TAOK3: variants seen among roughly 807,000 people sequenced by gnomAD.
TAOK3 encodes serine/threonine-protein kinase TAO3.
TAOK3 carries 40 observed loss-of-function variants against 120.4 expected under a neutral mutation model. The observed-to-expected ratio is 0.33, with a 90% confidence interval of 0.26 to 0.43. The LOEUF (loss-of-function observed/expected upper bound fraction) is 0.43, where lower values mean the gene tolerates loss of function less well. Ranked by LOEUF, TAOK3 falls within the 20% of genes least tolerant of loss-of-function variation. The pLI is 1.00. For synonymous variants in TAOK3, 355 were observed against 387.5 expected (o/e 0.92, Z 0.99); for missense variants, 821 against 1,112.1 (o/e 0.74, Z 3.72).
chr12:118,356,275 C>A (rs534703494), intron 1 of TAOK3, among the ~76,000 whole-genome samples: 2 of 146,880 alleles, frequency 1.4e-5, no homozygotes, highest in Admixed American at 1.4e-4. Flanking sequence ...ATCTCAATAT[C>A]TTCTCAATTT....
intron 9 of TAOK3, among the ~76,000 whole-genome samples, chr12:118,230,270 A>G (rs965274789): frequency 1.3e-5 from 2 of 152,058 alleles, no homozygotes; most frequent in Non-Finnish European, 1.5e-5. Context: ...GTCTTATACC[A>G]AAATCTGACT....
chr12:118,212,206 C>T (rs181449324), intron 11 of TAOK3, among the ~76,000 whole-genome samples: 9 of 152,124 alleles, frequency 5.9e-5, no homozygotes, highest in African/African-American at 1.4e-4. Flanking sequence ...ATTCTAGAGA[C>T]GGAAGAAACA....
chr12:118,288,063 C>T lies in TAOK3; in HGVS notation c.-193-21304G>A, dbSNP rs1038731734. On this transcript the variant is annotated intron_variant, in intron 1 of 20. Transcript: ENST00000392533. ...GTGCAATTTTTCTAAAATGTCACAG[C>T]TATTAGCAAGTTATTTTTTTGTTTG... is the stretch of plus-strand genomic sequence containing the variant. Among the ~76,000 whole-genome samples, 3 of 151,438 alleles carry T rather than the reference C, an allele frequency of 2.0e-5. No homozygotes were observed. The Admixed American group carries it at 2.0e-4, about 10-fold the overall frequency.
intron 2 of TAOK3, among the ~76,000 whole-genome samples, chr12:118,266,354 G>T (rs996196727): frequency 2.5e-5 from 3 of 122,222 alleles, no homozygotes; most frequent in Non-Finnish European, 3.4e-5. Flanking sequence ...CACCACGCCC[G>T]GCTAATTTTT....
chr12:118,199,770 T>C (rs2139253387), intron 12 of TAOK3: 1 of 164,086 alleles, frequency 6.1e-6, no homozygotes, highest in Non-Finnish European at 1.3e-5. Context: ...GCAGAAATAT[T>C]AATTCTACTT....
chr12:118,296,427 C>T (rs1485700580), intron 1 of TAOK3, among the ~76,000 whole-genome samples: 1 of 152,166 alleles, frequency 6.6e-6, no homozygotes, highest in African/African-American at 2.4e-5. Flanking sequence ...AGCCACTATG[C>T]CTGGCCTGAT....
rs1555229407 is a variant in TAOK3 at position 118,242,882 on chromosome 12, A to ACAAACAAAAT, written c.294+532_294+533insATTTTGTTTG. On this transcript the variant is annotated intron_variant, in intron 5 of 20. Coordinates refer to ENST00000392533, the MANE Select transcript of TAOK3 (RefSeq NM_016281.4). The stretch of plus-strand genomic sequence containing the variant: ...TCCAAACAAACAAACAAACAAACAA[A>ACAAACAAAAT]ATATATATATATATATGAGTGTGTG... 6.7e-3 allele frequency among the ~76,000 whole-genome samples: 1,006 copies of ACAAACAAAAT among 149,048 alleles called. 6 individuals are homozygous for ACAAACAAAAT. Among genetic ancestry groups the ACAAACAAAAT allele is most frequent in the Middle Eastern group, 0.017 (5 of 286 alleles).
chr12:118,289,513 T>C (rs936553071), intron 1 of TAOK3, among the ~76,000 whole-genome samples: 1 of 152,116 alleles, frequency 6.6e-6, no homozygotes, highest in Non-Finnish European at 1.5e-5. Context: ...CCTTCTTAAG[T>C]ATAAAATCTT....
At chr12:118,300,018 C>A (rs931707760) in intron 1 of TAOK3, among the ~76,000 whole-genome samples, 2 of 152,078 alleles carry the variant, frequency 1.3e-5, no homozygotes, top group African/African-American at 4.8e-5. Context: ...TGAATATGTA[C>A]AAATAAAGCA....
rs1009284121 is a variant in TAOK3 at position 118,255,731 on chromosome 12, A to C, written c.-88-76T>G. On this transcript the variant is annotated intron_variant, in intron 2 of 20. Coordinates refer to ENST00000392533, the MANE Select transcript of TAOK3 (RefSeq NM_016281.4). ...GGTGGCAATACAAATACATACAAATATTAAAAGCCTCTTGGTCTCACAACT... is the reference window on the plus strand; with the variant it reads ...GGTGGCAATACAAATACATACAAATCTTAAAAGCCTCTTGGTCTCACAACT... 2.5e-5 allele frequency: 17 copies of C among 667,796 alleles called. No individual in the cohort carries two copies. The African/African-American group carries it at 2.6e-4, about 10-fold the overall frequency. The allele number at this position is 667,796 out of a possible 1,614,324, so 41.4% of individuals were successfully genotyped here. A position where few individuals can be genotyped will look rare whatever the true frequency, so the allele number is the denominator to read the frequency against.
At chr12:118,211,977 A>T (rs2038657316) in intron 11 of TAOK3, among the ~76,000 whole-genome samples, 1 of 152,212 alleles carries the variant, frequency 6.6e-6, no homozygotes, top group African/African-American at 2.4e-5. Context: ...TAAGGGCTCC[A>T]CAACAAAGGA....
chr12:118,257,714 A>AT (rs1200617757), intron 2 of TAOK3, among the ~76,000 whole-genome samples: 1 of 152,290 alleles, frequency 6.6e-6, no homozygotes, highest in African/African-American at 2.4e-5. Context: ...GCTAAGAGGT[A>AT]TTTTTTTCTT....
In TAOK3 at chr12:118,160,455, G is replaced by T; in HGVS notation, c.2140-97C>A. 2 of 1,024,958 alleles carry T rather than the reference G, an allele frequency of 2.0e-6. No homozygotes were observed. Among genetic ancestry groups the T allele is most frequent in the Non-Finnish European group, 2.9e-6 (2 of 690,386 alleles). The allele number at this position is 1,024,958 out of a possible 1,614,324, so 63.5% of individuals were successfully genotyped here. A position where few individuals can be genotyped will look rare whatever the true frequency, so the allele number is the denominator to read the frequency against. ...TATAATACAAGTGCTGAGAGCGTCT[G>T]TTTTTTGGTGCAGTGACTCACATTG... On this transcript the variant is annotated intron_variant, in intron 18 of 20. Coordinates refer to ENST00000392533, the MANE Select transcript of TAOK3 (RefSeq NM_016281.4). This position sits in a 1 kb window ranked among gnomAD's most constrained non-coding sequence, Gnocchi z 4.2.
rs2045894599 is a variant in TAOK3 at position 118,371,587 on chromosome 12, CCCTGGGAGCA to C, written c.-194+1051_-194+1060del. 6.6e-6 allele frequency among the ~76,000 whole-genome samples: 1 copy of C among 152,074 alleles called. No homozygotes were observed. Among genetic ancestry groups the C allele is most frequent in the Admixed American group, 6.5e-5 (1 of 15,278 alleles). Reference sequence around the variant, plus strand: ...CCTCAGGGAGGTCGCTGATGCCAGACCCTGGGAGCACCTCCCCGCTCCACTCGTCTGCGCT... The same window carrying C: ...CCTCAGGGAGGTCGCTGATGCCAGACCCTCCCCGCTCCACTCGTCTGCGCT... On this transcript the variant is annotated intron_variant, in intron 1 of 20. Transcript: ENST00000392533. This position sits in a 1 kb window ranked among gnomAD's most constrained non-coding sequence, Gnocchi z 5.5.
intron 3 of TAOK3, chr12:118,247,062 G>A: frequency 1.7e-6 from 1 of 577,912 alleles, no homozygotes; most frequent in African/African-American, 1.9e-5. Flanking sequence ...CCCTGGAGCA[G>A]TGCTATCTGA....
chr12:118,230,460 GTTTTTTTTTTTTTTTT>G (rs71069433), intron 9 of TAOK3, among the ~76,000 whole-genome samples: 1 of 49,984 alleles, frequency 2.0e-5, no homozygotes, highest in Non-Finnish European at 3.6e-5. Flanking sequence ...CCTGTGAAGT[GTTTTTTTTTTTTTTTT>G]TTTTTTTTTT....
intron 1 of TAOK3, among the ~76,000 whole-genome samples, chr12:118,363,018 C>CAAA (rs60475060): frequency 4.4e-4 from 20 of 45,876 alleles, no homozygotes; most frequent in South Asian, 9.6e-4. Flanking sequence ...GACTCCGTAT[C>CAAA]AAAAAAAAAA....
intron 1 of TAOK3, among the ~76,000 whole-genome samples, chr12:118,353,693 G>A (rs547823026): frequency 2.6e-5 from 4 of 152,268 alleles, no homozygotes; most frequent in African/African-American, 9.6e-5. Context: ...TGCACGAGGT[G>A]CAGTGCATTT....
intron 5 of TAOK3, among the ~76,000 whole-genome samples, chr12:118,239,567 C>T (rs1457762175): frequency 1.3e-5 from 2 of 152,180 alleles, no homozygotes; most frequent in Non-Finnish European, 2.9e-5. Context: ...AACTCCTTCA[C>T]TACTTTATTT....
Sources: allele counts gnomAD v4.1 joint callset (sites outside exome capture counted in the v4.1 genomes callset), GRCh38; gene constraint gnomAD v4.1.1; non-coding constraint Gnocchi (gnomAD v3.1); transcripts MANE v1.5; gene names NCBI Gene and HGNC (gene_info 2026-07-23, HGNC 2026-07-21).